ANO2: variants seen among roughly 807,000 people sequenced by gnomAD.
ANO2 encodes anoctamin-2.
A neutral mutation model predicts 124.2 loss-of-function variants in ANO2; 101 were observed. The observed-to-expected ratio is 0.81, with a 90% confidence interval of 0.69 to 0.96. ANO2 has a LOEUF of 0.96. ANO2 is among the 40% of genes least tolerant of loss of function. ANO2 has a pLI of 0.00. For synonymous variants in ANO2, 486 were observed against 482.5 expected, an observed-to-expected ratio of 1.01 and a Z score of -0.09; for missense variants, 1,293 against 1,274.5, an observed-to-expected ratio of 1.01 and a Z score of -0.22.
At chr12:5,599,450 GC>G in intron 20 of ANO2, 33 bp downstream of exon 20, 5 of 1,574,810 alleles carry the variant, frequency 3.2e-6, no homozygotes, top group Non-Finnish European at 4.3e-6. Context: ...GTCTGAACCT[GC>G]CCCCAGTGGA....
chr12:5,788,523 C>T (rs1039793602), intron 10 of ANO2, among the ~76,000 whole-genome samples: 3 of 152,156 alleles, frequency 2.0e-5, no homozygotes, highest in Admixed American at 1.3e-4. Flanking sequence ...GATGAATAGA[C>T]TGGATTAAGT....
chr12:5,926,196 G>A (rs931272667), intron 1 of ANO2, among the ~76,000 whole-genome samples: 11 of 152,256 alleles, frequency 7.2e-5, no homozygotes, highest in Middle Eastern at 3.4e-3. Flanking sequence ...ATTTGGTACC[G>A]ATCCTATAAA....
chr12:5,805,630 C>A (rs1953167041), intron 9 of ANO2, among the ~76,000 whole-genome samples: 1 of 152,180 alleles, frequency 6.6e-6, no homozygotes, highest in Admixed American at 6.5e-5. Context: ...TAAGCAAGAG[C>A]CCTGGATTTG....
chr12:5,775,008 C>A (rs942933257), intron 10 of ANO2, among the ~76,000 whole-genome samples: 1 of 152,108 alleles, frequency 6.6e-6, no homozygotes, highest in Non-Finnish European at 1.5e-5. Flanking sequence ...TGGTTTAATC[C>A]CCACTCTATG....
intron 3 of ANO2, among the ~76,000 whole-genome samples, chr12:5,903,674 T>G (rs531423749): frequency 5.3e-4 from 81 of 151,830 alleles, no homozygotes; most frequent in Non-Finnish European, 9.6e-4. Context: ...TGTGTGTGTG[T>G]GTGGGTGTAG....
chr12:5,664,646 G>A (rs533051696), intron 14 of ANO2, among the ~76,000 whole-genome samples: 26 of 152,256 alleles, frequency 1.7e-4, no homozygotes, highest in African/African-American at 5.3e-4. Context: ...AATTCCAATC[G>A]TATGTTCTTT....
chr12:5,871,969 G>A (rs911258596), intron 3 of ANO2, among the ~76,000 whole-genome samples: 1 of 152,168 alleles, frequency 6.6e-6, no homozygotes, highest in Non-Finnish European at 1.5e-5. Context: ...CTGCATGAAT[G>A]TTTCTGAGAC....
intron 11 of ANO2, 125 bp from the exon 12 acceptor site, chr12:5,744,442 G>T: frequency 9.9e-7 from 1 of 1,011,842 alleles, no homozygotes; most frequent in Non-Finnish European, 1.5e-6. Flanking sequence ...CATAAGTAAG[G>T]AATGTTAAAG....
intron 6 of ANO2, among the ~76,000 whole-genome samples, chr12:5,828,135 G>A (rs1044239228): frequency 5.9e-5 from 9 of 152,174 alleles, no homozygotes; most frequent in African/African-American, 1.7e-4. Flanking sequence ...GCCCACCCCA[G>A]ACCACATAGC....
rs1940520131 is a variant in ANO2, at chr12:5,904,226, C to A, written c.534+16814G>T. Reference sequence around the variant, plus strand: ...GTAGTAAAGAAGGGGGGACTCCCATCTGGGACCATGGTCCTTGAAAAAGGA... The same window carrying A: ...GTAGTAAAGAAGGGGGGACTCCCATATGGGACCATGGTCCTTGAAAAAGGA... On this transcript the variant is annotated intron_variant, in intron 3 of 24. Coordinates refer to ENST00000682330, the MANE Select transcript of ANO2 (RefSeq NM_001364791.2). The surrounding 1 kb of genome is among the most constrained non-coding windows in gnomAD (Gnocchi z 4.1). Among the ~76,000 whole-genome samples, 1 of 152,198 alleles carries A rather than the reference C, an allele frequency of 6.6e-6. No homozygotes were observed. Among genetic ancestry groups the A allele is most frequent in the South Asian group, 2.1e-4 (1 of 4,824 alleles).
rs1947249483 is a variant in ANO2 at position 5,658,086 on chromosome 12, T to C, written c.1546-10285A>G. Among the ~76,000 whole-genome samples, 1 of 98,218 alleles carries C rather than the reference T, an allele frequency of 1.0e-5. No homozygotes were observed. The highest frequency in any genetic ancestry group is 2.3e-5 in the Non-Finnish European group (1 of 43,084). The allele number at this position is 98,218 out of a possible 152,430, so 64.4% of individuals were successfully genotyped here. A position where few individuals can be genotyped will look rare whatever the true frequency, so the allele number is the denominator to read the frequency against. ...TCTCCCTCTCCTCATCCCCCTTTTCTTCTTCCTTGCTGGAGGGCATCTCAC... is the reference window on the plus strand; with the variant it reads ...TCTCCCTCTCCTCATCCCCCTTTTCCTCTTCCTTGCTGGAGGGCATCTCAC... On this transcript the variant is annotated intron_variant, in intron 14 of 24. Transcript: ENST00000682330. The surrounding 1 kb of genome is among the most constrained non-coding windows in gnomAD (Gnocchi z 4.3).
At chr12:5,581,089 T>TA (rs1336220919) in intron 20 of ANO2, among the ~76,000 whole-genome samples, 1 of 152,178 alleles carries the variant, frequency 6.6e-6, no homozygotes, top group Admixed American at 6.5e-5. Context: ...GGAATGGGGA[T>TA]AAGGCCAGGA....
intron 3 of ANO2, among the ~76,000 whole-genome samples, chr12:5,917,403 A>C (rs1941443265): frequency 1.3e-5 from 2 of 152,178 alleles, no homozygotes; most frequent in African/African-American, 4.8e-5. Context: ...ACTCAAATTT[A>C]ACTAGGCATG....
At chr12:5,578,274 C>T in intron 21 of ANO2, 92 bp downstream of exon 21, 1 of 1,509,434 alleles carries the variant, frequency 6.6e-7, no homozygotes, top group Non-Finnish European at 9.0e-7. Context: ...GCTTTCCCAG[C>T]CCTCTTGATT....
intron 19 of ANO2, among the ~76,000 whole-genome samples, chr12:5,602,801 A>C (rs117789228): frequency 0.014 from 2,057 of 152,302 alleles, 12 homozygotes; most frequent in Non-Finnish European, 0.021. Context: ...GATCCTCTAC[A>C]AATAATTGGG....
chr12:5,935,134 A>C (rs2136320930), intron 1 of ANO2, among the ~76,000 whole-genome samples: 1 of 152,322 alleles, frequency 6.6e-6, no homozygotes, highest in East Asian at 1.9e-4. Flanking sequence ...AGCTTTTTTA[A>C]CTGGTATGAG....
chr12:5,621,146 G>A (rs1014600522), intron 16 of ANO2, among the ~76,000 whole-genome samples: 2 of 151,996 alleles, frequency 1.3e-5, no homozygotes, highest in African/African-American at 2.4e-5. Context: ...CCTCGCGCTC[G>A]CCACACTCCC....
At chr12:5,734,086 T>A (rs1488212739) in intron 13 of ANO2, among the ~76,000 whole-genome samples, 1 of 152,200 alleles carries the variant, frequency 6.6e-6, no homozygotes, top group East Asian at 1.9e-4. Context: ...TTTCCTAATG[T>A]GTGTGCCAAG....
chr12:5,890,895 G>A (rs1394033520), intron 3 of ANO2, among the ~76,000 whole-genome samples: 1 of 152,178 alleles, frequency 6.6e-6, no homozygotes, highest in Non-Finnish European at 1.5e-5. Context: ...CAGTGACACA[G>A]AAAACATTGT....
Sources: allele counts gnomAD v4.1 joint callset (sites outside exome capture counted in the v4.1 genomes callset), GRCh38; gene constraint gnomAD v4.1.1; non-coding constraint Gnocchi (gnomAD v3.1); transcripts MANE v1.5; gene names NCBI Gene and HGNC (gene_info 2026-07-23, HGNC 2026-07-21).